PEPD: variants seen among roughly 807,000 people sequenced by gnomAD.
PEPD encodes xaa-Pro dipeptidase.
In PEPD, 53 loss-of-function variants were observed where a neutral mutation model predicts 60.7. That is an observed-to-expected ratio of 0.87 (90% CI 0.70 to 1.10). The LOEUF (loss-of-function observed/expected upper bound fraction) is 1.10. Ranked by LOEUF, PEPD falls within the 50% of genes least tolerant of loss-of-function variation. The pLI, the probability that PEPD is intolerant of heterozygous loss-of-function variation, is 0.00. For missense variants in PEPD, 711 were observed against 711.9 expected, an observed-to-expected ratio of 1.00 and a Z score of 0.01; for synonymous variants, 267 against 284.1, an observed-to-expected ratio of 0.94 and a Z score of 0.60.
chr19:33,473,578 TG>T (rs1348798455), intron 7 of PEPD, among the ~76,000 whole-genome samples: 1 of 152,218 alleles, frequency 6.6e-6, no homozygotes, highest in African/African-American at 2.4e-5. Flanking sequence ...CGGCAATTGC[TG>T]ACACGCCTGC....
At chr19:33,464,135 G>C (rs1338558722) in intron 7 of PEPD, 73 bp from the exon 8 acceptor site, 2 of 1,076,938 alleles carry the variant, frequency 1.9e-6, no homozygotes, top group Non-Finnish European at 2.8e-6. Context: ...TCCAGGGAGA[G>C]CTCAGGGCCT....
chr19:33,493,444 A>C (rs2145322727), intron 4 of PEPD, 107 bp from the exon 5 acceptor site: 62 of 845,476 alleles, frequency 7.3e-5, no homozygotes, highest in Non-Finnish European at 1.2e-4. Flanking sequence ...CAAGCAGATC[A>C]TTAGAACAGG....
At chr19:33,518,435 T>C (rs1171384953) in intron 1 of PEPD, among the ~76,000 whole-genome samples, 1 of 152,136 alleles carries the variant, frequency 6.6e-6, no homozygotes, top group East Asian at 1.9e-4. Flanking sequence ...CAGAAGACTC[T>C]CCAGAAGAAT....
chr19:33,425,152 T>C lies in PEPD; in HGVS notation c.672-11509A>G, dbSNP rs372387434. Among the ~76,000 whole-genome samples the C allele has an allele frequency of 2.6e-5, 4 of 152,104 alleles. No homozygotes were observed. In the East Asian group the frequency reaches 5.8e-4, roughly 22 times the overall value. On this transcript the variant is annotated intron_variant, in intron 9 of 14. Transcript: ENST00000244137. ...TGGGAGGCCGAGGCGGGTGGATCAC[T>C]TGAGGTCAGGAGTTCAAGGCCAGCA...
chr19:33,494,738 T>C (rs1349156401), intron 4 of PEPD, among the ~76,000 whole-genome samples: 1 of 152,220 alleles, frequency 6.6e-6, no homozygotes, highest in African/African-American at 2.4e-5. Flanking sequence ...CATGCAGGTT[T>C]CGCAAATGAG....
intron 9 of PEPD, among the ~76,000 whole-genome samples, chr19:33,418,999 C>T (rs538305071): frequency 3.9e-5 from 6 of 152,328 alleles, no homozygotes; most frequent in South Asian, 2.1e-4. Context: ...GCAGCAGATG[C>T]GGTGCTCGGC....
At chr19:33,456,658 C>T (rs1278311336) in intron 9 of PEPD, among the ~76,000 whole-genome samples, 1 of 152,162 alleles carries the variant, frequency 6.6e-6, no homozygotes, top group Non-Finnish European at 1.5e-5. Flanking sequence ...TCAGCGGGTG[C>T]AGGGTCCTGC....
intron 12 of PEPD, among the ~76,000 whole-genome samples, chr19:33,394,684 T>C (rs1436835780): frequency 6.6e-6 from 1 of 152,102 alleles, no homozygotes; most frequent in East Asian, 1.9e-4. Context: ...CTGGGCCCAC[T>C]CTCAGGCTCC....
At chr19:33,406,119 G>A (rs1194293549) in intron 11 of PEPD, among the ~76,000 whole-genome samples, 1 of 152,230 alleles carries the variant, frequency 6.6e-6, no homozygotes, top group Non-Finnish European at 1.5e-5. Flanking sequence ...GTGGGGTGAG[G>A]CCCGGGCGTC....
At chr19:33,499,663 G>A (rs1163446318) in intron 4 of PEPD, among the ~76,000 whole-genome samples, 4 of 152,240 alleles carry the variant, frequency 2.6e-5, no homozygotes, top group Admixed American at 2.0e-4. Context: ...GGGCACCAGT[G>A]TGGGCCAGAG....
rs997359755 is a variant in PEPD at position 33,440,992 on chromosome 19, C to T, written c.671+22003G>A. On this transcript the variant is annotated intron_variant, in intron 9 of 14. Transcript: ENST00000244137. ...ATGGGCACCCATCAGCCTGCTTGGC[C>T]GGGAGCAGGGAGAGGATCGGGAGAC... Among the ~76,000 whole-genome samples, 15 of 152,134 alleles carry T rather than the reference C, an allele frequency of 9.9e-5. 1 individual carries two copies. The highest frequency in any genetic ancestry group is 1.3e-4 in the Admixed American group (2 of 15,274).
chr19:33,437,120 G>A (rs969378941), intron 9 of PEPD, among the ~76,000 whole-genome samples: 2 of 152,134 alleles, frequency 1.3e-5, no homozygotes, highest in Non-Finnish European at 2.9e-5. Context: ...ACACGGCCCA[G>A]GAGCCTAAAG....
In PEPD at chr19:33,470,164, GC is replaced by G. The variant is rs1336044605; in HGVS notation, c.549-6103del. On this transcript the variant is annotated intron_variant, in intron 7 of 14. Transcript: ENST00000244137. ...ACTCCCCCTCCACGACCTCCCTCAGGCCCCCCCATTTCTCTCTATCCAGCCC... is the reference window on the plus strand; with the variant it reads ...ACTCCCCCTCCACGACCTCCCTCAGGCCCCCCATTTCTCTCTATCCAGCCC... Among the ~76,000 whole-genome samples the G allele has an allele frequency of 4.6e-5, 7 of 151,224 alleles. No individual in the cohort carries two copies. The South Asian group carries it at 6.3e-4, about 14-fold the overall frequency.
chr19:33,447,469 G>A (rs1969614465), intron 9 of PEPD, among the ~76,000 whole-genome samples: 1 of 152,360 alleles, frequency 6.6e-6, no homozygotes, highest in Non-Finnish European at 1.5e-5. Context: ...CAGGAGCCCG[G>A]GATGCATGGC....
At chr19:33,520,403 A>G (rs1971109190) in intron 1 of PEPD, among the ~76,000 whole-genome samples, 2 of 152,340 alleles carry the variant, frequency 1.3e-5, no homozygotes, top group South Asian at 4.1e-4. Flanking sequence ...TCATTGCTGA[A>G]GGACTAGCAC....
At chr19:33,466,993 T>A (rs1230382096) in intron 7 of PEPD, among the ~76,000 whole-genome samples, 2 of 151,464 alleles carry the variant, frequency 1.3e-5, no homozygotes, top group Non-Finnish European at 2.9e-5. Context: ...CCATCTCTAC[T>A]AAAAATACAA....
Position 33,490,063 on chromosome 19 carries a change from G to T in PEPD, c.442-6C>A, listed in dbSNP as rs772456955. 1.9e-6 allele frequency: 3 copies of T among 1,609,198 alleles called. No individual in the cohort carries two copies. In the African/African-American group the frequency reaches 4.0e-5, roughly 22 times the overall value. On this transcript the variant is annotated splice_polypyrimidine_tract_variant and splice_region_variant and intron_variant, in intron 5 of 14. Coordinates refer to ENST00000244137, the MANE Select transcript of PEPD (RefSeq NM_000285.4). ...CTGTCCGTGTTGACGCCACGCTGGG[G>T]AGAGAGAACACAGACATGACACACG...
At chr19:33,452,778 T>C (rs55675469) in intron 9 of PEPD, among the ~76,000 whole-genome samples, 13,779 of 152,106 alleles carry the variant, frequency 0.091, 652 homozygotes, top group East Asian at 0.13. Context: ...CATAGGAAAA[T>C]CTGAAAAGTT....
chr19:33,415,450 C>A (rs1318600984), intron 9 of PEPD, among the ~76,000 whole-genome samples: 1 of 152,160 alleles, frequency 6.6e-6, no homozygotes, highest in Non-Finnish European at 1.5e-5. Context: ...GGTTGGAGGA[C>A]TGCTTGAGGC....
Sources: allele counts gnomAD v4.1 joint callset (sites outside exome capture counted in the v4.1 genomes callset), GRCh38; gene constraint gnomAD v4.1.1; transcripts MANE v1.5; gene names NCBI Gene and HGNC (gene_info 2026-07-23, HGNC 2026-07-21).